The following LEPR variants were observed in gnomAD, a reference collection of about 807,000 sequenced individuals.
LEPR encodes the protein OB receptor.
In LEPR, 56 loss-of-function variants were observed where a neutral mutation model predicts 114.7. That is an observed-to-expected ratio of 0.49 (90% CI 0.39 to 0.61). The LOEUF is 0.61. Among genes scored for constraint, LEPR ranks in the 20% least tolerant of loss-of-function variants. The probability of loss-of-function intolerance (pLI) is 0.00; values close to 1 mark genes in which losing one functional copy is unlikely to be tolerated. For missense variants in LEPR, 1,202 were observed against 1,352.9 expected (o/e 0.89, Z 1.75); for synonymous variants, 443 against 461.4 (o/e 0.96, Z 0.51).
At chr1:65,461,113 T>A (rs1189129249) in intron 2 of LEPR, among the ~76,000 whole-genome samples, 1 of 151,658 alleles carries the variant, frequency 6.6e-6, no homozygotes, top group Non-Finnish European at 1.5e-5. Flanking sequence ...GTAAGTGGGA[T>A]TACAGGCGCC....
intron 2 of LEPR, among the ~76,000 whole-genome samples, chr1:65,426,369 G>A (rs577223947): frequency 1.9e-4 from 29 of 152,236 alleles, no homozygotes; most frequent in African/African-American, 3.6e-4. Context: ...TATGCCTGCC[G>A]TGTAGAGGAG....
At chr1:65,502,989 A>G (rs1199394352) in intron 2 of LEPR, among the ~76,000 whole-genome samples, 1 of 151,720 alleles carries the variant, frequency 6.6e-6, no homozygotes, top group Non-Finnish European at 1.5e-5. Context: ...GAGGGTATGG[A>G]TGAGGGAGGG....
chr1:65,601,114 A>G (rs775954989), intron 8 of LEPR, among the ~76,000 whole-genome samples: 6 of 152,022 alleles, frequency 3.9e-5, no homozygotes, highest in Non-Finnish European at 8.8e-5. Context: ...GCAAGTGACA[A>G]TTACTGGCTA....
At chr1:65,427,436 T>G (rs1646401504) in intron 2 of LEPR, among the ~76,000 whole-genome samples, 1 of 152,062 alleles carries the variant, frequency 6.6e-6, no homozygotes, top group Non-Finnish European at 1.5e-5. Flanking sequence ...CCAGGCATGG[T>G]GCCTGTAGCA....
intron 2 of LEPR, among the ~76,000 whole-genome samples, chr1:65,489,407 T>C (rs1275148852): frequency 1.3e-5 from 2 of 152,198 alleles, no homozygotes; most frequent in Admixed American, 6.5e-5. Flanking sequence ...TGGCCATCTG[T>C]ATGTCTTCAT....
chr1:65,556,211 C>G (rs1181452413), intron 2 of LEPR, among the ~76,000 whole-genome samples: 1 of 152,186 alleles, frequency 6.6e-6, no homozygotes, highest in Non-Finnish European at 1.5e-5. Context: ...GAGATTGAAT[C>G]TGCTGGCATG....
intron 19 of LEPR, among the ~76,000 whole-genome samples, chr1:65,628,699 G>A (rs1001092640): frequency 6.6e-6 from 1 of 152,070 alleles, no homozygotes; most frequent in African/African-American, 2.4e-5. Flanking sequence ...TCTACTGGTG[G>A]ATGTTTAAGG....
intron 16 of LEPR, 122 bp from the exon 17 acceptor site, chr1:65,619,803 AAAT>A: frequency 2.5e-6 from 2 of 807,496 alleles, no homozygotes; most frequent in Non-Finnish European, 4.0e-6. Context: ...TTTAATCCAC[AAAT>A]AATAAGTAAT....
intron 2 of LEPR, among the ~76,000 whole-genome samples, chr1:65,478,487 A>C (rs920120215): frequency 2.4e-4 from 37 of 152,332 alleles, no homozygotes; most frequent in African/African-American, 8.7e-4. Flanking sequence ...AGATGTATTT[A>C]GTCAGCTTTT....
intron 19 of LEPR, among the ~76,000 whole-genome samples, chr1:65,625,849 G>A (rs1429435769): frequency 6.6e-6 from 1 of 152,110 alleles, no homozygotes; most frequent in Non-Finnish European, 1.5e-5. Flanking sequence ...TTAAATATGA[G>A]GGTTTTATGT....
At chr1:65,469,988 C>T (rs1034739452) in intron 2 of LEPR, among the ~76,000 whole-genome samples, 1 of 152,298 alleles carries the variant, frequency 6.6e-6, no homozygotes, top group South Asian at 2.1e-4. Context: ...CCTTCTAAAG[C>T]GTGGCATACA....
intron 3 of LEPR, among the ~76,000 whole-genome samples, chr1:65,569,708 A>T (rs1168914499): frequency 5.9e-5 from 2 of 33,780 alleles, no homozygotes; most frequent in Admixed American, 4.9e-4. Context: ...ATTCCATCTT[A>T]AAAAAAAAAA....
intron 2 of LEPR, among the ~76,000 whole-genome samples, chr1:65,535,363 T>A (rs1650691840): frequency 6.6e-6 from 1 of 150,828 alleles, no homozygotes; most frequent in Non-Finnish European, 1.5e-5. Context: ...AGGTCTGATT[T>A]GGGGGAGAAA....
intron 2 of LEPR, among the ~76,000 whole-genome samples, chr1:65,476,516 C>T (rs1647161932): frequency 6.6e-6 from 1 of 152,078 alleles, no homozygotes; most frequent in African/African-American, 2.4e-5. Context: ...GAGGTCATTC[C>T]TCATGTTTTT....
rs986545036 is a variant in LEPR at position 65,451,147 on chromosome 1, C to G, written c.-21+25769C>G. On this transcript the variant is annotated intron_variant, in intron 2 of 19. Coordinates refer to ENST00000349533, the MANE Select transcript of LEPR (RefSeq NM_002303.6). ...TTGTTTGTTTTTTTCTTGTAAATTA[C>G]TTTGAGTTCATTGTAGATTCTGGAT... Among the ~76,000 whole-genome samples, 743 of 152,094 alleles carry G rather than the reference C, an allele frequency of 4.9e-3. 8 individuals carry two copies. Among genetic ancestry groups the G allele is most frequent in the African/African-American group, 0.017 (705 of 41,468 alleles).
chr1:65,619,151 T>C (rs574665621), intron 16 of LEPR, among the ~76,000 whole-genome samples: 1 of 152,334 alleles, frequency 6.6e-6, no homozygotes, highest in Admixed American at 6.5e-5. Context: ...ACCATTATTT[T>C]ATTCCAGGGA....
intron 2 of LEPR, among the ~76,000 whole-genome samples, chr1:65,518,869 TTCTTTTTCTTTCTTTCTTTC>T (rs1649431885): frequency 7.1e-6 from 1 of 140,694 alleles, no homozygotes; most frequent in African/African-American, 2.7e-5. Context: ...CTTTCTTTCT[TTCTTTTTCTTTCTTTCTTTC>T]TTTCTTTCTT....
intron 12 of LEPR, among the ~76,000 whole-genome samples, chr1:65,609,737 C>T (rs1657046646): frequency 6.6e-6 from 1 of 152,110 alleles, no homozygotes; most frequent in Admixed American, 6.5e-5. Context: ...TCATCATCAG[C>T]AAGGGAGTGA....
chr1:65,544,807 TTTA>T (rs1195008154), intron 2 of LEPR, among the ~76,000 whole-genome samples: 4 of 151,062 alleles, frequency 2.6e-5, no homozygotes, highest in South Asian at 2.1e-4. Context: ...TTTTATTTTA[TTTA>T]TTATTATTAT....
Sources: gnomAD v4.1 joint callset for allele counts (sites outside exome capture counted in the v4.1 genomes callset) on GRCh38, gnomAD v4.1.1 for gene constraint, MANE v1.5 for transcripts, NCBI Gene and HGNC (gene_info 2026-07-23, HGNC 2026-07-21) for gene names.